SOCS7: variants seen among roughly 807,000 people sequenced by gnomAD.
SOCS7 encodes suppressor of cytokine signaling 7, also known as NAP-4.
SOCS7 carries 18 observed loss-of-function variants against 58.9 expected under a neutral mutation model. The ratio of observed to expected loss-of-function variants is 0.31; its 90% CI spans 0.21 to 0.45. SOCS7 has a LOEUF of 0.45. Among genes scored for constraint, SOCS7 ranks in the 20% least tolerant of loss-of-function variants. The probability of loss-of-function intolerance (pLI) is 1.00; values close to 1 mark genes in which losing one functional copy is unlikely to be tolerated. For synonymous variants in SOCS7, 388 were observed against 364.3 expected (o/e 1.06, Z -0.74); for missense variants, 667 against 837.3 (o/e 0.80, Z 2.51).
At chr17:38,389,363 C>T (rs1391456439) in intron 7 of SOCS7, among the ~76,000 whole-genome samples, 2 of 152,046 alleles carry the variant, frequency 1.3e-5, no homozygotes, top group Admixed American at 1.3e-4. Flanking sequence ...CAAGACCTGC[C>T]TGGGCAATAC....
intron 6 of SOCS7, among the ~76,000 whole-genome samples, chr17:38,370,102 A>G (rs1396888977): frequency 1.3e-5 from 2 of 150,200 alleles, no homozygotes; most frequent in East Asian, 4.0e-4. Context: ...GGTTCAAGCA[A>G]TTCTTGTAAC....
chr17:38,391,820 G>A (rs1949421425), intron 7 of SOCS7, among the ~76,000 whole-genome samples: 2 of 152,196 alleles, frequency 1.3e-5, no homozygotes, highest in African/African-American at 4.8e-5. Context: ...GATCTGGAAT[G>A]TGAAACAGAT....
At chr17:38,357,933 C>G (rs1017345163) in intron 1 of SOCS7, among the ~76,000 whole-genome samples, 6 of 152,208 alleles carry the variant, frequency 3.9e-5, no homozygotes, top group Admixed American at 3.9e-4. Context: ...TCTGTCTAGT[C>G]TAATGCTTTT....
Position 38,389,870 on chromosome 17 carries a change from T to TATATATATATATATGTAC in SOCS7, c.1682-5427_1682-5426insATGTACATATATATATAT, listed in dbSNP as rs1567750851. On this transcript the variant is annotated intron_variant, in intron 7 of 9. Coordinates refer to ENST00000612932, the MANE Select transcript of SOCS7 (RefSeq NM_014598.4). ...TTTGTTTGGTGTGTATGTGTGTACA[T>TATATATATATATATGTAC]ATATATATATATGTACATATATATA... 3.9e-4 allele frequency among the ~76,000 whole-genome samples: 37 copies of TATATATATATATATGTAC among 95,282 alleles called. 2 individuals are homozygous for TATATATATATATATGTAC. The highest frequency in any genetic ancestry group is 1.3e-3 in the East Asian group (3 of 2,338). The allele number at this position is 95,282 out of a possible 152,430, so 62.5% of individuals were successfully genotyped here. A position where few individuals can be genotyped will look rare whatever the true frequency, so the allele number is the denominator to read the frequency against.
intron 6 of SOCS7, among the ~76,000 whole-genome samples, chr17:38,373,601 T>C (rs2037894843): frequency 6.6e-6 from 1 of 152,208 alleles, no homozygotes; most frequent in Admixed American, 6.5e-5. Context: ...GCATGCACAA[T>C]GAGAACCTTT....
At chr17:38,398,393 G>GCAC (rs2038272193) in intron 9 of SOCS7, among the ~76,000 whole-genome samples, 1 of 151,758 alleles carries the variant, frequency 6.6e-6, no homozygotes, top group Non-Finnish European at 1.5e-5. Flanking sequence ...TTACAGGTGT[G>GCAC]CACCACCACG....
rs1466875768 is a variant in SOCS7 at position 38,377,685 on chromosome 17, A to C, written c.1553-29A>C. ...TCATGTCTTCTGAAGTAAGTTTTAAAATTTTTACTTCTTAATTTTCCATGG... is the reference window on the plus strand; with the variant it reads ...TCATGTCTTCTGAAGTAAGTTTTAACATTTTTACTTCTTAATTTTCCATGG... On this transcript the variant is annotated intron_variant, in intron 6 of 9. Coordinates refer to ENST00000612932, the MANE Select transcript of SOCS7 (RefSeq NM_014598.4). 3 of 1,588,382 alleles carry C rather than the reference A, an allele frequency of 1.9e-6. No homozygotes were observed. The South Asian group carries it at 3.5e-5, about 19-fold the overall frequency.
Position 38,366,409 on chromosome 17 carries a change from T to C in SOCS7, c.1375T>C (p.Leu459=), listed in dbSNP as rs762896332. The C allele has an allele frequency of 4.3e-6, 7 of 1,614,160 alleles. No individual in the cohort carries two copies. The highest frequency in any genetic ancestry group is 1.3e-5 in the African/African-American group (1 of 75,060). Residue 459 remains leucine, a synonymous_variant, in exon 5 of 10, where the codon TTG becomes CTG. Coordinates refer to ENST00000612932, the MANE Select transcript of SOCS7 (RefSeq NM_014598.4). ...CAGCTTTGCAGCCAGCCTTCGAGAG[T>C]TGGAGAAGGTAGGTGGTACCTAAGG... ...SSSFAASLRE[L]EKCGWYWGPM...
chr17:38,382,019 G>C (rs796700143), intron 7 of SOCS7, among the ~76,000 whole-genome samples: 51 of 148,850 alleles, frequency 3.4e-4, no homozygotes, highest in African/African-American at 1.2e-3. Flanking sequence ...GTGAGAGTGT[G>C]ACTGATGTCA....
chr17:38,382,207 T>C (rs1330181522), intron 7 of SOCS7, among the ~76,000 whole-genome samples: 1 of 151,684 alleles, frequency 6.6e-6, no homozygotes, highest in Non-Finnish European at 1.5e-5. Context: ...GGTGGAAGGA[T>C]TGTTTGAGCC....
At chr17:38,370,081 A>G (rs369507343) in intron 6 of SOCS7, among the ~76,000 whole-genome samples, 346 of 149,682 alleles carry the variant, frequency 2.3e-3, no homozygotes, top group African/African-American at 4.2e-3. Context: ...GTGAGCCACC[A>G]TGCCTGGCCG....
In SOCS7 at chr17:38,352,354, C is replaced by A; in HGVS notation, c.302C>A (p.Pro101His). The change falls in exon 1 of 10, where the codon CCC (proline) becomes CAC (histidine). Residue 101 changes from proline to histidine, a missense_variant. Transcript: ENST00000612932. This position sits in a 1 kb window ranked among gnomAD's most constrained non-coding sequence, Gnocchi z 5.5. Reference sequence around the variant, plus strand: ...CCCCGGCACCGCTGTGCCCTGGACCCCAAGGCCCTGCCGCCGGGCTTGGCG... The same window carrying A: ...CCCCGGCACCGCTGTGCCCTGGACCACAAGGCCCTGCCGCCGGGCTTGGCG... ...LCPRHRCALD[P>H]KALPPGLALE... The A allele has an allele frequency of 6.9e-7, 1 of 1,458,064 alleles. No individual in the cohort carries two copies. Among genetic ancestry groups the A allele is most frequent in the South Asian group, 1.4e-5 (1 of 73,142 alleles). The allele number at this position is 1,458,064 out of a possible 1,614,324, so 90.3% of individuals were successfully genotyped here.
At chr17:38,372,686 C>T (rs539233119) in intron 6 of SOCS7, among the ~76,000 whole-genome samples, 27 of 152,262 alleles carry the variant, frequency 1.8e-4, no homozygotes, top group East Asian at 1.2e-3. Flanking sequence ...CTGGAAGTTC[C>T]CCTAAGAGGC....
chr17:38,365,299 C>T lies in SOCS7; in HGVS notation c.1151-9C>T. 6.3e-7 allele frequency: 1 copy of T among 1,597,874 alleles called. No individual in the cohort carries two copies. Among genetic ancestry groups the T allele is most frequent in the Non-Finnish European group, 8.5e-7 (1 of 1,169,624 alleles). On this transcript the variant is annotated splice_polypyrimidine_tract_variant and intron_variant, in intron 3 of 9. Coordinates refer to ENST00000612932, the MANE Select transcript of SOCS7 (RefSeq NM_014598.4). ...TTTCTGAACCTCTTGCTTTTGTTCT[C>T]TCTTCTAGATGATATCAGTGGGACG...
chr17:38,396,351 C>T (rs536420745), intron 9 of SOCS7, among the ~76,000 whole-genome samples: 5 of 152,306 alleles, frequency 3.3e-5, no homozygotes, highest in African/African-American at 1.2e-4. Flanking sequence ...CTCATACAGA[C>T]TTGGGCTGAT....
chr17:38,365,387 G>T lies in SOCS7; in HGVS notation c.1230G>T (p.Pro410=). Residue 410 remains proline, a synonymous_variant, in exon 4 of 10, where the codon CCG becomes CCT. Coordinates refer to ENST00000612932, the MANE Select transcript of SOCS7 (RefSeq NM_014598.4). ...GSSLQSFPLP[P]PPPPHAPDAF... ...CCTTGCAGTCTTTCCCCCTACCTCCGCCTCCTCCACCCCATGCCCCAGGTT... is the reference window on the plus strand; with the variant it reads ...CCTTGCAGTCTTTCCCCCTACCTCCTCCTCCTCCACCCCATGCCCCAGGTT... 1 of 1,611,042 alleles carries T rather than the reference G, an allele frequency of 6.2e-7. No homozygotes were observed. Among genetic ancestry groups the T allele is most frequent in the Non-Finnish European group, 8.5e-7 (1 of 1,178,560 alleles).
In SOCS7 at chr17:38,365,604, G is replaced by A. The variant is rs141734345; in HGVS notation, c.1252+195G>A. 345 of 435,322 alleles carry A rather than the reference G, an allele frequency of 7.9e-4. 3 individuals are homozygous for A. Among genetic ancestry groups the A allele is most frequent in the African/African-American group, 6.6e-3 (325 of 49,266 alleles). 27.0% of individuals were successfully genotyped at this position (435,322 alleles called of 1,614,324 possible). A position where few individuals can be genotyped will look rare whatever the true frequency, so the allele number is the denominator to read the frequency against. ...TTTCCTAACCCGTTTTCTTTATGGA[G>A]GTCAATCTGATTTTTGTTAGGGATG... On this transcript the variant is annotated intron_variant, in intron 4 of 9. Transcript: ENST00000612932.
chr17:38,356,657 G>A (rs921446714), intron 1 of SOCS7, among the ~76,000 whole-genome samples: 3 of 152,016 alleles, frequency 2.0e-5, no homozygotes, highest in South Asian at 2.1e-4. Context: ...GAGCCACCAC[G>A]CCCAGCTGAC....
chr17:38,366,381 G>C lies in SOCS7; in HGVS notation c.1347G>C (p.Ser449=), dbSNP rs747244252. ...AGTGTCCCCTCTACCGGCCTGACTCGAGCAGCTTTGCAGCCAGCCTTCGAG... is the reference window on the plus strand; with the variant it reads ...AGTGTCCCCTCTACCGGCCTGACTCCAGCAGCTTTGCAGCCAGCCTTCGAG... ...HLQCPLYRPD[S]SSFAASLREL... is the part of the protein sequence containing the mutation. Residue 449 remains serine (S), a synonymous_variant, in exon 5 of 10, where the codon TCG becomes TCC. Coordinates refer to ENST00000612932, the MANE Select transcript of SOCS7 (RefSeq NM_014598.4). 2 of 1,614,202 alleles carry C rather than the reference G, an allele frequency of 1.2e-6. No homozygotes were observed. Among genetic ancestry groups the C allele is most frequent in the East Asian group, 2.2e-5 (1 of 44,888 alleles).
Sources: allele counts gnomAD v4.1 joint callset (sites outside exome capture counted in the v4.1 genomes callset), GRCh38; gene constraint gnomAD v4.1.1; non-coding constraint Gnocchi (gnomAD v3.1); transcripts MANE v1.5; gene names NCBI Gene and HGNC (gene_info 2026-07-23, HGNC 2026-07-21).